ANKRD22: variants seen among roughly 807,000 people sequenced by gnomAD.
ANKRD22 encodes ankyrin repeat domain 22.
ANKRD22 carries 24 observed loss-of-function variants against 25.7 expected under a neutral mutation model. The ratio of observed to expected loss-of-function variants is 0.93; its 90% confidence interval spans 0.68 to 1.31. ANKRD22 has a LOEUF of 1.31. ANKRD22 is among the 50% of genes most tolerant of loss of function. The pLI is 0.00. For missense variants in ANKRD22, 214 were observed against 227.1 expected (o/e 0.94, Z 0.37); for synonymous variants, 84 against 84.3 (o/e 1.00, Z 0.02).
chr10:88,833,892 C>T (rs965204248), intron 1 of ANKRD22, among the ~76,000 whole-genome samples: 1 of 152,176 alleles, frequency 6.6e-6, no homozygotes, highest in African/African-American at 2.4e-5. Context: ...ACACTTGTCT[C>T]ATGTCAGAAA....
intron 1 of ANKRD22, among the ~76,000 whole-genome samples, chr10:88,836,938 G>T (rs545067534): frequency 6.6e-6 from 1 of 152,342 alleles, no homozygotes; most frequent in East Asian, 1.9e-4. Context: ...CAGTGATGGG[G>T]CTGAAGGAAG....
chr10:88,840,267 T>C (rs1843992393), intron 1 of ANKRD22, among the ~76,000 whole-genome samples: 1 of 152,194 alleles, frequency 6.6e-6, no homozygotes, highest in African/African-American at 2.4e-5. Flanking sequence ...ACGCATCCGG[T>C]ATGTTGATGA....
chr10:88,835,157 A>G (rs1193448709), intron 1 of ANKRD22, among the ~76,000 whole-genome samples: 1 of 152,158 alleles, frequency 6.6e-6, no homozygotes, highest in East Asian at 1.9e-4. Context: ...GTCTTTACTA[A>G]GAGCTAACTA....
intron 3 of ANKRD22, among the ~76,000 whole-genome samples, chr10:88,827,307 GC>G (rs1428129274): frequency 2.6e-5 from 4 of 151,680 alleles, no homozygotes; most frequent in African/African-American, 9.7e-5. Flanking sequence ...ACAACTTTAG[GC>G]CCCATTAATA....
Position 88,822,899 on chromosome 10 carries a change from T to TCGTTAACTTTTTCTGTATCTC in ANKRD22, c.*21_*41dup. 1 of 1,544,098 alleles carries TCGTTAACTTTTTCTGTATCTC rather than the reference T, an allele frequency of 6.5e-7. No individual in the cohort carries two copies. Among genetic ancestry groups the TCGTTAACTTTTTCTGTATCTC allele is most frequent in the South Asian group, 1.1e-5 (1 of 88,454 alleles). On this transcript the variant is annotated 3_prime_UTR_variant, in exon 6 of 6. Coordinates refer to ENST00000371930, the MANE Select transcript of ANKRD22 (RefSeq NM_144590.3). ...AGTCTAAAATGAAGATAGAATCCAGTCGTTAACTTTTTCTGTATCTCCATC... is the reference window on the plus strand; with the variant it reads ...AGTCTAAAATGAAGATAGAATCCAGTCGTTAACTTTTTCTGTATCTCCGTTAACTTTTTCTGTATCTCCATC...
intron 3 of ANKRD22, among the ~76,000 whole-genome samples, chr10:88,826,576 A>G (rs975550848): frequency 6.6e-6 from 1 of 152,162 alleles, no homozygotes; most frequent in Non-Finnish European, 1.5e-5. Context: ...TTCTACTTAC[A>G]TTGGCCTTTG....
chr10:88,846,002 A>G (rs1479457648), intron 1 of ANKRD22, among the ~76,000 whole-genome samples: 1 of 152,164 alleles, frequency 6.6e-6, no homozygotes, highest in Admixed American at 6.6e-5. Flanking sequence ...TTGATTCAGA[A>G]CCATTTCAGC....
intron 2 of ANKRD22, 93 bp downstream of exon 2, chr10:88,831,742 C>A: frequency 7.7e-7 from 1 of 1,296,944 alleles, no homozygotes; most frequent in Non-Finnish European, 1.0e-6. Context: ...GAGCTGCAAG[C>A]AATTTAAAAA....
At chr10:88,850,392 T>G (rs1422786018) in intron 1 of ANKRD22, among the ~76,000 whole-genome samples, 1 of 152,098 alleles carries the variant, frequency 6.6e-6, no homozygotes, top group Non-Finnish European at 1.5e-5. Context: ...AAACAAGACC[T>G]TCAGAAGATC....
chr10:88,824,780 G>C (rs61854035), intron 4 of ANKRD22, among the ~76,000 whole-genome samples: 49,024 of 151,990 alleles, frequency 0.32, 9,305 homozygotes, highest in East Asian at 0.61. Flanking sequence ...GTCACAGGCA[G>C]GAATATTAAA....
intron 1 of ANKRD22, among the ~76,000 whole-genome samples, chr10:88,847,154 G>T (rs958802638): frequency 3.5e-4 from 53 of 152,076 alleles, no homozygotes; most frequent in African/African-American, 1.3e-3. Context: ...TAGCTTTGTG[G>T]AATGTTTTTT....
At position 88,825,282 on chromosome 10, in the gene ANKRD22, A is replaced by C. The variant is rs17113361; in HGVS notation, c.399+756T>G. ...ATCCAAAATTTTATTCAATCACCAT[A>C]AGCAAAACACCATAGAAATAAACTT... On this transcript the variant is annotated intron_variant, in intron 4 of 5. Coordinates refer to ENST00000371930, the MANE Select transcript of ANKRD22 (RefSeq NM_144590.3). Among the ~76,000 whole-genome samples, 587 of 152,370 alleles carry C rather than the reference A, an allele frequency of 3.9e-3. 20 individuals are homozygous for C. In the East Asian group the frequency reaches 0.094, roughly 24 times the overall value.
intron 1 of ANKRD22, among the ~76,000 whole-genome samples, chr10:88,834,748 A>G (rs1843937137): frequency 6.6e-6 from 1 of 152,146 alleles, no homozygotes; most frequent in Admixed American, 6.5e-5. Context: ...CAGCCTGGCC[A>G]ACATGGAGAA....
At chr10:88,833,402 A>G (rs1843924987) in intron 1 of ANKRD22, among the ~76,000 whole-genome samples, 1 of 152,226 alleles carries the variant, frequency 6.6e-6, no homozygotes, top group African/African-American at 2.4e-5. Context: ...AGAATAAAAT[A>G]TGTTATCTTA....
At chr10:88,827,803 C>T (rs570659458) in intron 3 of ANKRD22, among the ~76,000 whole-genome samples, 1 of 152,256 alleles carries the variant, frequency 6.6e-6, no homozygotes, top group Admixed American at 6.5e-5. Flanking sequence ...TGAGCTACAA[C>T]AAGGAGGGAG....
chr10:88,841,376 A>G (rs1844002682), intron 1 of ANKRD22, among the ~76,000 whole-genome samples: 1 of 152,092 alleles, frequency 6.6e-6, no homozygotes, highest in Non-Finnish European at 1.5e-5. Context: ...GGAGGGAGTA[A>G]GAGAAAAAAA....
At chr10:88,839,788 C>A (rs1216984913) in intron 1 of ANKRD22, among the ~76,000 whole-genome samples, 3 of 152,164 alleles carry the variant, frequency 2.0e-5, no homozygotes, top group Non-Finnish European at 4.4e-5. Flanking sequence ...GGTAATCGAT[C>A]ATGTAAGGAC....
intron 1 of ANKRD22, among the ~76,000 whole-genome samples, chr10:88,848,316 G>T (rs1329365709): frequency 2.6e-5 from 4 of 151,536 alleles, no homozygotes; most frequent in African/African-American, 9.7e-5. Flanking sequence ...ATAAATAAAG[G>T]TATACACATT....
chr10:88,829,714 A>G (rs1346370269), intron 2 of ANKRD22, among the ~76,000 whole-genome samples: 1 of 152,160 alleles, frequency 6.6e-6, no homozygotes, highest in Non-Finnish European at 1.5e-5. Context: ...GAGTGGAACT[A>G]CTCTGATGTA....
Sources: gnomAD v4.1 joint callset for allele counts (sites outside exome capture counted in the v4.1 genomes callset) on GRCh38, gnomAD v4.1.1 for gene constraint, MANE v1.5 for transcripts, NCBI Gene and HGNC (gene_info 2026-07-23, HGNC 2026-07-21) for gene names.